Variants in NUP35 observed in about 807,000 individuals in gnomAD.
The protein encoded by NUP35 is nucleoporin 35, also known as nucleoporin NUP35.
Under a neutral mutation model 41.5 loss-of-function variants are expected in NUP35, and 25 were observed. That is an observed-to-expected ratio of 0.60 (90% confidence interval 0.44 to 0.84). The LOEUF is 0.84. NUP35 is among the 40% of genes least tolerant of loss of function. NUP35 has a pLI of 0.00. For missense variants in NUP35, 396 were observed against 396.6 expected, an observed-to-expected ratio of 1.00 and a Z score of 0.01; for synonymous variants, 149 against 130.7, an observed-to-expected ratio of 1.14 and a Z score of -0.96.
chr2:183,146,472 G>A (rs1431732370), intron 4 of NUP35, among the ~76,000 whole-genome samples: 1 of 152,142 alleles, frequency 6.6e-6, no homozygotes, highest in African/African-American at 2.4e-5. Context: ...TGTTCAAATA[G>A]TACTGCTATT....
intron 1 of NUP35, among the ~76,000 whole-genome samples, chr2:183,128,057 G>A (rs1273364601): frequency 6.7e-6 from 1 of 149,092 alleles, no homozygotes; most frequent in Non-Finnish European, 1.5e-5. Context: ...TGGTGACAGA[G>A]TGAGACTCGG....
chr2:183,125,135 C>T (rs1473617), intron 1 of NUP35, among the ~76,000 whole-genome samples: 90,773 of 151,622 alleles, frequency 0.6, 29,974 homozygotes, highest in East Asian at 0.98. Context: ...GAAAGTGACT[C>T]TTAAGTATTG....
upstream of NUP35, among the ~76,000 whole-genome samples, chr2:183,122,233 T>G (rs183005045): frequency 5.9e-5 from 9 of 151,986 alleles, no homozygotes; most frequent in Admixed American, 5.2e-4. Flanking sequence ...TGTGCCACCA[T>G]GCCCGGATAA....
chr2:183,124,552 G>T (rs1365588527), intron 1 of NUP35, 55 bp downstream of exon 1: 1 of 1,609,208 alleles, frequency 6.2e-7, no homozygotes. Context: ...TCTGGGCCTG[G>T]AGGCGGGCAA....
intron 4 of NUP35, among the ~76,000 whole-genome samples, chr2:183,137,085 G>A (rs1213900882): frequency 6.6e-6 from 1 of 151,418 alleles, no homozygotes; most frequent in African/African-American, 2.4e-5. Flanking sequence ...GCGAGACTTT[G>A]TCTCCAAAAA....
rs1294367777 is a variant in NUP35, at chr2:183,150,138, G to A, written c.398-1370G>A. Among the ~76,000 whole-genome samples the A allele has an allele frequency of 3.9e-5, 6 of 152,092 alleles. No individual in the cohort carries two copies. The East Asian group carries it at 5.8e-4, about 15-fold the overall frequency. The stretch of plus-strand genomic sequence containing the variant: ...GCCAAGCCAGTCACAAACTCCTGAC[G>A]TCATGATCCGCTCGCCTTGGCCTCC... On this transcript the variant is annotated intron_variant, in intron 4 of 8. Coordinates refer to ENST00000295119, the MANE Select transcript of NUP35 (RefSeq NM_138285.5).
intron 2 of NUP35, among the ~76,000 whole-genome samples, chr2:183,129,409 T>G (rs1684618737): frequency 6.6e-6 from 1 of 152,228 alleles, no homozygotes. Flanking sequence ...TAGTAGTAGT[T>G]CAAGTGAAAA....
upstream of NUP35, chr2:183,123,639 C>T (rs1389034729): frequency 3.1e-5 from 8 of 256,828 alleles, no homozygotes; most frequent in Admixed American, 5.2e-4. Flanking sequence ...ATATGTAGCA[C>T]ATTATTTTAT....
intron 1 of NUP35, among the ~76,000 whole-genome samples, chr2:183,124,924 G>GT (rs1684387815): frequency 6.7e-6 from 1 of 149,590 alleles, no homozygotes; most frequent in African/African-American, 2.6e-5. Flanking sequence ...AAGTGTGTGG[G>GT]TGCAGTCCAC....
intron 7 of NUP35, among the ~76,000 whole-genome samples, chr2:183,158,666 G>A (rs1405983106): frequency 6.6e-6 from 1 of 152,058 alleles, no homozygotes; most frequent in Non-Finnish European, 1.5e-5. Flanking sequence ...AACTTGTCCA[G>A]AGTTGTTAAA....
chr2:183,155,579 CT>C (rs11393018), intron 5 of NUP35, among the ~76,000 whole-genome samples: 2,829 of 139,736 alleles, frequency 0.02, 67 homozygotes, highest in African/African-American at 0.066. Context: ...CATAAAATGG[CT>C]TTTTTTTTTT....
At chr2:183,142,813 T>C (rs1219601119) in intron 4 of NUP35, among the ~76,000 whole-genome samples, 1 of 151,804 alleles carries the variant, frequency 6.6e-6, no homozygotes, top group Non-Finnish European at 1.5e-5. Context: ...TCATTTTAAT[T>C]CCAGGAACCT....
upstream of NUP35, chr2:183,124,318 G>A: frequency 1.3e-6 from 2 of 1,522,512 alleles, no homozygotes; most frequent in Non-Finnish European, 1.8e-6. Context: ...AATGGCTCCG[G>A]CGCCTACAAC....
At chr2:183,149,049 G>A (rs947483089) in intron 4 of NUP35, among the ~76,000 whole-genome samples, 1 of 152,146 alleles carries the variant, frequency 6.6e-6, no homozygotes, top group African/African-American at 2.4e-5. Flanking sequence ...TTTGGAATGA[G>A]TTAGGATGGT....
rs533461224 is a variant in NUP35, at chr2:183,142,408, T to C, written c.397+8785T>C. Among the ~76,000 whole-genome samples the C allele has an allele frequency of 2.0e-5, 3 of 152,318 alleles. No individual in the cohort carries two copies. In the East Asian group the frequency reaches 5.8e-4, roughly 29 times the overall value. ...TTTCCCTTTTATGTTATCATTTATA[T>C]CTGTATGCTACTTTCTGAGAGATTT... On this transcript the variant is annotated intron_variant, in intron 4 of 8. Coordinates refer to ENST00000295119, the MANE Select transcript of NUP35 (RefSeq NM_138285.5).
chr2:183,134,606 A>G (rs1684812760), intron 4 of NUP35, among the ~76,000 whole-genome samples: 1 of 151,294 alleles, frequency 6.6e-6, no homozygotes, highest in Non-Finnish European at 1.5e-5. Flanking sequence ...GAGGTTCTAG[A>G]CAAAAATCTA....
intron 4 of NUP35, among the ~76,000 whole-genome samples, chr2:183,143,048 CG>C (rs1685154993): frequency 6.7e-6 from 1 of 150,374 alleles, no homozygotes; most frequent in African/African-American, 2.4e-5. Context: ...CCCAGCTACT[CG>C]GGAGGCTGAG....
chr2:183,144,451 C>CT (rs1685207714), intron 4 of NUP35, among the ~76,000 whole-genome samples: 1 of 152,184 alleles, frequency 6.6e-6, no homozygotes, highest in Non-Finnish European at 1.5e-5. Flanking sequence ...CCAGGAACCT[C>CT]TTTTTTCCAA....
At chr2:183,135,730 G>A (rs1001819002) in intron 4 of NUP35, among the ~76,000 whole-genome samples, 4 of 152,138 alleles carry the variant, frequency 2.6e-5, no homozygotes, top group Admixed American at 6.5e-5. Flanking sequence ...AAGCAAATCA[G>A]GCATGTGCCT....
Sources: allele counts gnomAD v4.1 joint callset (sites outside exome capture counted in the v4.1 genomes callset), GRCh38; gene constraint gnomAD v4.1.1; transcripts MANE v1.5; gene names NCBI Gene and HGNC (gene_info 2026-07-23, HGNC 2026-07-21).